PXDNL: variants seen among roughly 807,000 people sequenced by gnomAD.
The protein encoded by PXDNL is probable oxidoreductase PXDNL.
A neutral mutation model predicts 150.8 loss-of-function variants in PXDNL; 145 were observed. That is an observed-to-expected ratio of 0.96 (90% confidence interval 0.84 to 1.10). The LOEUF is 1.10. Ranked by LOEUF, PXDNL falls within the 50% of genes least tolerant of loss-of-function variation. The probability of loss-of-function intolerance (pLI) is 0.00; values close to 1 mark genes in which losing one functional copy is unlikely to be tolerated. For missense variants in PXDNL, 2,087 were observed against 1,873.9 expected (o/e 1.11, Z -2.10); for synonymous variants, 757 against 725.7 (o/e 1.04, Z -0.69).
At chr8:51,802,731 T>TA (rs2129264439) in intron 1 of PXDNL, among the ~76,000 whole-genome samples, 1 of 152,366 alleles carries the variant, frequency 6.6e-6, no homozygotes, top group East Asian at 1.9e-4. Context: ...TGGCCAATTT[T>TA]ACATAATAGC....
At chr8:51,358,099 G>A (rs928285360) in intron 19 of PXDNL, among the ~76,000 whole-genome samples, 8 of 152,146 alleles carry the variant, frequency 5.3e-5, no homozygotes, top group Non-Finnish European at 1.0e-4. Flanking sequence ...ATTATCCCAC[G>A]TTTCTCCACA....
At chr8:51,743,810 C>T (rs1434498497) in intron 1 of PXDNL, among the ~76,000 whole-genome samples, 2 of 151,872 alleles carry the variant, frequency 1.3e-5, no homozygotes. Flanking sequence ...GCCACAGTGC[C>T]CGGCCCCTAC....
intron 3 of PXDNL, among the ~76,000 whole-genome samples, chr8:51,559,262 C>G (rs1370485626): frequency 6.6e-6 from 1 of 150,470 alleles, no homozygotes; most frequent in East Asian, 2.0e-4. Context: ...AGGAAGGGGT[C>G]AGAGAGCAGC....
rs140486958 is a variant in PXDNL at position 51,674,960 on chromosome 8, G to A, written c.165-20200C>T. Among the ~76,000 whole-genome samples, 214 of 152,246 alleles carry A rather than the reference G, an allele frequency of 1.4e-3. 5 individuals are homozygous for A. The East Asian group carries it at 0.038, about 27-fold the overall frequency. On this transcript the variant is annotated intron_variant, in intron 1 of 22. Transcript: ENST00000356297. The stretch of plus-strand genomic sequence containing the variant: ...CTGGACTTAGATTTCTTAATTCGAT[G>A]ACCTGGAAGGCCTTCTCTAGTAGAA...
chr8:51,339,439 A>G (rs1029504921), intron 21 of PXDNL, among the ~76,000 whole-genome samples, 185 bp downstream of exon 21: 1 of 152,204 alleles, frequency 6.6e-6, no homozygotes. Context: ...CATCCGGCCG[A>G]CAGAACAAGA....
intron 5 of PXDNL, among the ~76,000 whole-genome samples, chr8:51,492,327 C>T (rs28538386): frequency 2.4e-4 from 36 of 152,236 alleles, no homozygotes; most frequent in African/African-American, 8.2e-4. Flanking sequence ...CAAATAGGAA[C>T]AGCTCCAGTC....
At chr8:51,376,585 T>C (rs911725996) in intron 17 of PXDNL, among the ~76,000 whole-genome samples, 4 of 152,202 alleles carry the variant, frequency 2.6e-5, no homozygotes, top group Non-Finnish European at 4.4e-5. Context: ...TTAATTCCTA[T>C]GCATTTCACG....
chr8:51,747,002 G>A (rs144992995), intron 1 of PXDNL, among the ~76,000 whole-genome samples: 162 of 152,144 alleles, frequency 1.1e-3, no homozygotes, highest in African/African-American at 3.6e-3. Context: ...GGATTAAAGC[G>A]TGAGCCACTG....
chr8:51,727,614 C>T (rs768549824), intron 1 of PXDNL, among the ~76,000 whole-genome samples: 1 of 152,030 alleles, frequency 6.6e-6, no homozygotes, highest in Non-Finnish European at 1.5e-5. Context: ...CAAACTGAAA[C>T]TTGACTTGGA....
chr8:51,365,453 A>G (rs1241666119), intron 19 of PXDNL, among the ~76,000 whole-genome samples: 2 of 152,220 alleles, frequency 1.3e-5, no homozygotes, highest in Non-Finnish European at 2.9e-5. Flanking sequence ...TTTACCTAGC[A>G]CATTCTTTGA....
At chr8:51,613,471 C>G (rs1044993356) in intron 2 of PXDNL, among the ~76,000 whole-genome samples, 1 of 65,330 alleles carries the variant, frequency 1.5e-5, no homozygotes, top group South Asian at 5.5e-4. Context: ...GGAAACCTCA[C>G]AGCTTAAGGG....
chr8:51,480,650 A>T (rs1380427960), intron 6 of PXDNL, among the ~76,000 whole-genome samples: 1 of 152,172 alleles, frequency 6.6e-6, no homozygotes, highest in East Asian at 1.9e-4. Flanking sequence ...AATTGTAAAA[A>T]TCCCTACATG....
chr8:51,386,478 G>A (rs191631864), intron 17 of PXDNL, among the ~76,000 whole-genome samples: 1 of 152,192 alleles, frequency 6.6e-6, no homozygotes, highest in East Asian at 1.9e-4. Flanking sequence ...TAGAAAAAGA[G>A]ATAAAGATAG....
At chr8:51,618,512 GT>G (rs1399435167) in intron 2 of PXDNL, among the ~76,000 whole-genome samples, 3 of 152,198 alleles carry the variant, frequency 2.0e-5, no homozygotes, top group Non-Finnish European at 1.5e-5. Context: ...CATGGTTCAT[GT>G]TTTAGCTCTC....
At chr8:51,458,446 TA>T (rs1038366123) in intron 8 of PXDNL, among the ~76,000 whole-genome samples, 78 of 152,380 alleles carry the variant, frequency 5.1e-4, no homozygotes, top group African/African-American at 1.8e-3. Flanking sequence ...TAAAAATATT[TA>T]ATGATTATGT....
intron 2 of PXDNL, among the ~76,000 whole-genome samples, chr8:51,605,695 T>C (rs1813824923): frequency 6.6e-6 from 1 of 152,234 alleles, no homozygotes; most frequent in African/African-American, 2.4e-5. Flanking sequence ...CAAAAGTTCA[T>C]GTGTTGGAAA....
intron 1 of PXDNL, among the ~76,000 whole-genome samples, chr8:51,669,918 C>T (rs1815465307): frequency 6.6e-6 from 1 of 152,088 alleles, no homozygotes; most frequent in African/African-American, 2.4e-5. Flanking sequence ...AAATTGTGAA[C>T]CATGAAGTAA....
chr8:51,337,274 G>T (rs1023960044), intron 21 of PXDNL, among the ~76,000 whole-genome samples: 1 of 152,140 alleles, frequency 6.6e-6, no homozygotes, highest in Admixed American at 6.5e-5. Flanking sequence ...AATGGAAATT[G>T]AACTGAAATG....
At chr8:51,756,095 A>T (rs1009427625) in intron 1 of PXDNL, among the ~76,000 whole-genome samples, 1 of 151,972 alleles carries the variant, frequency 6.6e-6, no homozygotes, top group African/African-American at 2.4e-5. Flanking sequence ...ACCATCTCTT[A>T]AAAAAAATCT....
Sources: gnomAD v4.1 joint callset for allele counts (sites outside exome capture counted in the v4.1 genomes callset) on GRCh38, gnomAD v4.1.1 for gene constraint, MANE v1.5 for transcripts, NCBI Gene and HGNC (gene_info 2026-07-23, HGNC 2026-07-21) for gene names.